Variants in TRHDE observed in about 807,000 individuals in gnomAD.
TRHDE encodes the protein thyrotropin releasing hormone degrading enzyme, also known as thyrotropin-releasing hormone-degrading ectoenzyme.
TRHDE carries 72 observed loss-of-function variants against 125.7 expected under a neutral mutation model. The ratio of observed to expected loss-of-function variants is 0.57; its 90% CI spans 0.47 to 0.70. The LOEUF is 0.70. Among genes scored for constraint, TRHDE ranks in the 30% least tolerant of loss-of-function variants. The pLI is 0.00. For synonymous variants in TRHDE, 509 were observed against 509.1 expected (o/e 1.00, Z 0.00); for missense variants, 1,110 against 1,327.1 (o/e 0.84, Z 2.54).
At chr12:72,391,387 G>A (rs1361841613) in intron 3 of TRHDE, among the ~76,000 whole-genome samples, 4 of 152,118 alleles carry the variant, frequency 2.6e-5, no homozygotes, top group East Asian at 1.9e-4. Flanking sequence ...TCAGGGCATC[G>A]CTGAAGCTTT....
At chr12:72,469,104 AG>A (rs562598530) in intron 3 of TRHDE, among the ~76,000 whole-genome samples, 332 of 152,288 alleles carry the variant, frequency 2.2e-3, no homozygotes, top group African/African-American at 7.6e-3. Context: ...TTCATAGGTG[AG>A]GGAATTGTGG....
chr12:72,184,596 AC>A (rs1262157922), intron 2 of TRHDE, among the ~76,000 whole-genome samples: 1 of 151,584 alleles, frequency 6.6e-6, no homozygotes, highest in Non-Finnish European at 1.5e-5. Flanking sequence ...CCCCTGAATG[AC>A]TTCTCTTTCC....
rs369811065 is a variant in TRHDE, at chr12:72,514,865, C to T, written c.1722+15230C>T. On this transcript the variant is annotated intron_variant, in intron 6 of 18. Coordinates refer to ENST00000261180, the MANE Select transcript of TRHDE (RefSeq NM_013381.3). Reference sequence around the variant, plus strand: ...ATGTGTTCTCATTGTTCAATTCCCACCTATGAGTGAGAATATGTGGTGTTT... The same window carrying T: ...ATGTGTTCTCATTGTTCAATTCCCATCTATGAGTGAGAATATGTGGTGTTT... Among the ~76,000 whole-genome samples, 36 of 141,802 alleles carry T rather than the reference C, an allele frequency of 2.5e-4. No homozygotes were observed. In the East Asian group the frequency reaches 7.0e-3, roughly 28 times the overall value. 93.0% of individuals were successfully genotyped at this position (141,802 alleles called of 152,430 possible).
At position 72,272,631 on chromosome 12, in the gene TRHDE, A is replaced by C. The variant is rs1238110556; in HGVS notation, c.-13A>C. On this transcript the variant is annotated 5_prime_UTR_variant, in exon 1 of 19. Transcript: ENST00000261180. This position sits in a 1 kb window ranked among gnomAD's most constrained non-coding sequence, Gnocchi z 6.7. ...GTGCCAGAGGGGGCGGGGGAGGAGG[A>C]GGAGGCGGTGTGATGGCCCTGGACG... 4.3e-6 allele frequency: 4 copies of C among 940,426 alleles called. No individual in the cohort carries two copies. The highest frequency in any genetic ancestry group is 4.5e-6 in the Non-Finnish European group (3 of 660,384). The allele number at this position is 940,426 out of a possible 1,614,324, so 58.3% of individuals were successfully genotyped here.
chr12:72,358,728 GAA>G (rs904889063), intron 2 of TRHDE, among the ~76,000 whole-genome samples: 3 of 151,558 alleles, frequency 2.0e-5, no homozygotes, highest in African/African-American at 7.3e-5. Context: ...AGAGTTATTT[GAA>G]AAGACTACGT....
chr12:72,345,428 C>T (rs1240239185), intron 2 of TRHDE, among the ~76,000 whole-genome samples: 3 of 152,054 alleles, frequency 2.0e-5, no homozygotes, highest in Non-Finnish European at 2.9e-5. Context: ...TGCCACCATA[C>T]AGATGCAACA....
At chr12:72,583,426 A>G (rs1407373371) in intron 12 of TRHDE, among the ~76,000 whole-genome samples, 9 of 152,118 alleles carry the variant, frequency 5.9e-5, no homozygotes, top group Admixed American at 5.9e-4. Flanking sequence ...TGGGGATTCT[A>G]ATTATCTATT....
At chr12:72,299,243 T>A (rs1236264085) in intron 2 of TRHDE, among the ~76,000 whole-genome samples, 1 of 152,134 alleles carries the variant, frequency 6.6e-6, no homozygotes, top group East Asian at 1.9e-4. Flanking sequence ...TGTACTAAGA[T>A]GGATAAATAA....
chr12:72,605,928 T>A (rs1411552200), intron 12 of TRHDE, among the ~76,000 whole-genome samples: 1 of 152,194 alleles, frequency 6.6e-6, no homozygotes, highest in East Asian at 1.9e-4. Context: ...AAAAGCCTTT[T>A]TTCCTTGGAT....
chr12:72,468,069 T>C (rs916643233), intron 3 of TRHDE, among the ~76,000 whole-genome samples: 10 of 152,200 alleles, frequency 6.6e-5, no homozygotes, highest in African/African-American at 2.4e-4. Flanking sequence ...CCTTTTCCCC[T>C]CCATTCTTCC....
chr12:72,601,937 C>T (rs924998073), intron 12 of TRHDE, among the ~76,000 whole-genome samples: 1 of 151,988 alleles, frequency 6.6e-6, no homozygotes, highest in Non-Finnish European at 1.5e-5. Context: ...TACATGGTAA[C>T]AAATTTTGAG....
intron 12 of TRHDE, among the ~76,000 whole-genome samples, chr12:72,578,247 C>T (rs1175474630): frequency 6.6e-6 from 1 of 152,124 alleles, no homozygotes; most frequent in Non-Finnish European, 1.5e-5. Flanking sequence ...TACTTGTTGA[C>T]ATTTTATAGC....
At chr12:72,420,743 G>A (rs916836130) in intron 3 of TRHDE, among the ~76,000 whole-genome samples, 1 of 152,058 alleles carries the variant, frequency 6.6e-6, no homozygotes, top group African/African-American at 2.4e-5. Flanking sequence ...CACACATATT[G>A]GGATTGACTT....
At chr12:72,260,773 C>T (rs1479495779) in intron 2 of TRHDE, among the ~76,000 whole-genome samples, 2 of 152,122 alleles carry the variant, frequency 1.3e-5, no homozygotes, top group Non-Finnish European at 2.9e-5. Context: ...ATGGAGCCTT[C>T]GTTCATTCGA....
intron 2 of TRHDE, among the ~76,000 whole-genome samples, chr12:72,170,946 G>T (rs1876859768): frequency 1.3e-5 from 2 of 152,102 alleles, no homozygotes; most frequent in Non-Finnish European, 2.9e-5. Context: ...TAATCTATTC[G>T]AGAGCTTCTG....
rs540944155 is a variant in TRHDE at position 72,640,428 on chromosome 12, C to A, written c.2676-11894C>A. Among the ~76,000 whole-genome samples, 10 of 152,314 alleles carry A rather than the reference C, an allele frequency of 6.6e-5. No homozygotes were observed. The South Asian group carries it at 2.1e-3, about 32-fold the overall frequency. On this transcript the variant is annotated intron_variant, in intron 15 of 18. Coordinates refer to ENST00000261180, the MANE Select transcript of TRHDE (RefSeq NM_013381.3). The stretch of plus-strand genomic sequence containing the variant: ...CTGGCACTTCCTAGTGAGATGAACC[C>A]GGTACCTCAGATGGAAATGCAGAAA...
chr12:72,337,324 T>C (rs1869872441), intron 2 of TRHDE, among the ~76,000 whole-genome samples: 1 of 152,172 alleles, frequency 6.6e-6, no homozygotes, highest in Non-Finnish European at 1.5e-5. Context: ...ATGCTCCTCA[T>C]GCAGGGGCAG....
In TRHDE at chr12:72,395,085, A is replaced by G. The variant is rs185139643; in HGVS notation, c.1315+16964A>G. 1.2e-3 allele frequency among the ~76,000 whole-genome samples: 185 copies of G among 152,308 alleles called. 1 individual carries two copies. Among genetic ancestry groups the G allele is most frequent in the African/African-American group, 4.4e-3 (181 of 41,566 alleles). ...GATACTTAAAATATACATTCTTAGC[A>G]AATACAATATGTTGTTCTTACCTAT... On this transcript the variant is annotated intron_variant, in intron 3 of 18. Transcript: ENST00000261180.
In TRHDE at chr12:72,273,527, G is replaced by T; in HGVS notation, c.884G>T (p.Arg295Leu). 3.1e-6 allele frequency: 5 copies of T among 1,605,072 alleles called. No individual in the cohort carries two copies. The highest frequency in any genetic ancestry group is 4.2e-6 in the Non-Finnish European group (5 of 1,179,756). Residue 295 changes from arginine (R) to leucine (L), a missense_variant, in exon 1 of 19, where the codon CGC becomes CTC. Physicochemically the swap from Arg to Leu is moderately radical, Grantham distance 102 (BLOSUM62 -2). Coordinates refer to ENST00000261180, the MANE Select transcript of TRHDE (RefSeq NM_013381.3). This position sits in a 1 kb window ranked among gnomAD's most constrained non-coding sequence, Gnocchi z 5.3. ...GAGAATGAGCTCCTGGGCTTCTTCC[G>T]CAGCTCCTATGTGCTCCACGGGGAG... is the stretch of plus-strand genomic sequence containing the variant. ...LIENELLGFFRSSYVLHGERR... is the reference protein window; with the variant it reads ...LIENELLGFFLSSYVLHGERR...
Sources: gnomAD v4.1 joint callset for allele counts (sites outside exome capture counted in the v4.1 genomes callset) on GRCh38, gnomAD v4.1.1 for gene constraint, Gnocchi (gnomAD v3.1) non-coding constraint, MANE v1.5 for transcripts, NCBI Gene and HGNC (gene_info 2026-07-23, HGNC 2026-07-21) for gene names.